Variants in TENM1 observed in about 807,000 individuals in gnomAD.
The protein encoded by TENM1 is teneurin transmembrane protein 1.
TENM1 carries 35 observed loss-of-function variants against 174.8 expected under a neutral mutation model. The ratio of observed to expected loss-of-function variants is 0.20; its 90% CI spans 0.15 to 0.27. TENM1 has a LOEUF of 0.27. TENM1 is among the 10% of genes least tolerant of loss of function. The pLI is 1.00. For missense variants in TENM1, 1,633 were observed against 2,130.1 expected (o/e 0.77, Z 4.59); for synonymous variants, 781 against 798.7 (o/e 0.98, Z 0.37).
At chrX:125,176,186 G>A in the TENM1 span, among the ~76,000 whole-genome samples, 9 of 104,938 alleles carry the variant, frequency 8.6e-5, 1 homozygote, top group Non-Finnish European at 1.4e-4. Flanking sequence ...TTTTCTAACA[G>A]CCAGCACTCA....
chrX:124,810,353 A>C (rs918246279), intron 3 of TENM1, among the ~76,000 whole-genome samples: 4 of 112,134 alleles, frequency 3.6e-5, no homozygotes, highest in Non-Finnish European at 5.6e-5. Context: ...AAATAAAGGA[A>C]TTCAGTAAAG....
intron 3 of TENM1, among the ~76,000 whole-genome samples, chrX:124,846,815 T>C (rs2056617587): frequency 9.0e-6 from 1 of 111,590 alleles, no homozygotes; most frequent in South Asian, 3.7e-4. Context: ...TTTTTAATGA[T>C]GAGTTTTATA....
chrX:124,860,038 A>C (rs2056884441), intron 3 of TENM1, among the ~76,000 whole-genome samples: 1 of 111,985 alleles, frequency 8.9e-6, no homozygotes, highest in Non-Finnish European at 1.9e-5. Flanking sequence ...TAACTGAATA[A>C]GAGAGAGAGT....
In TENM1 at chrX:124,963,773, G is replaced by T. The variant is rs1396609637; in HGVS notation, c.-20C>A. 5 of 1,175,494 alleles carry T rather than the reference G, an allele frequency of 4.3e-6. No individual in the cohort carries two copies. The highest frequency in any genetic ancestry group is 5.8e-6 in the Non-Finnish European group (5 of 866,952). On this transcript the variant is annotated 5_prime_UTR_variant, in exon 1 of 32. It adds an upstream start codon to the 5' untranslated region. Transcript: ENST00000422452. Reference sequence around the variant, plus strand: ...CTCCATCTCTGATTAAGCAAGCTCAGTTTCATGAAAAAAAGGATGAGGAAG... The same window carrying T: ...CTCCATCTCTGATTAAGCAAGCTCATTTTCATGAAAAAAAGGATGAGGAAG...
chrX:125,069,072 G>C, the TENM1 span, among the ~76,000 whole-genome samples: 6 of 111,178 alleles, frequency 5.4e-5, no homozygotes, highest in East Asian at 1.7e-3. Context: ...GGGAATGATG[G>C]GGGGGTTGAG....
chrX:124,537,173 C>A (rs1017682664), intron 15 of TENM1, among the ~76,000 whole-genome samples: 7 of 111,262 alleles, frequency 6.3e-5, no homozygotes, highest in Non-Finnish European at 9.4e-5. Context: ...CCTGACCTCT[C>A]CCCGGTTACC....
intron 3 of TENM1, among the ~76,000 whole-genome samples, chrX:124,742,816 C>T (rs957304425): frequency 1.8e-5 from 2 of 110,581 alleles, no homozygotes; most frequent in Non-Finnish European, 3.8e-5. Flanking sequence ...ATAATCTACA[C>T]GTGCAAAGAA....
chrX:124,957,927 A>G (rs959678682), intron 1 of TENM1, among the ~76,000 whole-genome samples: 1 of 111,702 alleles, frequency 9.0e-6, no homozygotes, highest in Non-Finnish European at 1.9e-5. Context: ...GCCAATTCAC[A>G]CAACTAAAAT....
intron 5 of TENM1, among the ~76,000 whole-genome samples, chrX:124,679,718 T>C (rs1181372431): frequency 8.9e-6 from 1 of 111,909 alleles, no homozygotes; most frequent in African/African-American, 3.2e-5. Flanking sequence ...ACATGCAGGA[T>C]TGAAAACTAT....
At chrX:124,705,493 G>A (rs188507281) in intron 4 of TENM1, among the ~76,000 whole-genome samples, 104 of 109,018 alleles carry the variant, frequency 9.5e-4, no homozygotes, top group Non-Finnish European at 1.1e-3. Context: ...TGTGTTCCCC[G>A]ATTTGCTGGC....
intron 27 of TENM1, 85 bp downstream of exon 30, chrX:124,404,946 T>A (rs1230895572): frequency 2.5e-6 from 2 of 812,300 alleles, no homozygotes; most frequent in African/African-American, 4.8e-5. Flanking sequence ...AGGGAGGCTC[T>A]GCAGTTAAAC....
At chrX:125,027,536 A>T in the TENM1 span, among the ~76,000 whole-genome samples, 2 of 111,977 alleles carry the variant, frequency 1.8e-5, no homozygotes. Flanking sequence ...ACAAACTGAA[A>T]GCCCAAGTCA....
At chrX:125,089,758 G>C in the TENM1 span, among the ~76,000 whole-genome samples, 1 of 111,636 alleles carries the variant, frequency 9.0e-6, no homozygotes, top group Admixed American at 9.5e-5. Flanking sequence ...TGGGGTTTCA[G>C]CCATGGAGAA....
At chrX:124,981,873 G>GA in the TENM1 span, among the ~76,000 whole-genome samples, 1 of 82,740 alleles carries the variant, frequency 1.2e-5, no homozygotes, top group Non-Finnish European at 2.2e-5. Context: ...GCAAAAACAG[G>GA]TGCAGCGCAC....
chrX:124,423,628 GAGA>G (rs2060679914), intron 23 of TENM1, among the ~76,000 whole-genome samples: 1 of 111,003 alleles, frequency 9.0e-6, no homozygotes, highest in Non-Finnish European at 1.9e-5. Flanking sequence ...TGAACAGTAG[GAGA>G]AGAATTGGGT....
intron 22 of TENM1, among the ~76,000 whole-genome samples, chrX:124,471,657 A>C (rs1367353347): frequency 1.2e-5 from 1 of 85,616 alleles, no homozygotes; most frequent in Non-Finnish European, 2.1e-5. Flanking sequence ...TATAATATAC[A>C]ATATAGAGTA....
At chrX:124,967,538 C>G (rs2058741617), upstream of TENM1, among the ~76,000 whole-genome samples, 1 of 111,499 alleles carries the variant, frequency 9.0e-6, no homozygotes, top group Non-Finnish European at 1.9e-5. Context: ...CCTATTTCAA[C>G]TGTAAAGTGG....
At chrX:125,075,069 T>C in the TENM1 span, among the ~76,000 whole-genome samples, 1 of 111,854 alleles carries the variant, frequency 8.9e-6, no homozygotes, top group Non-Finnish European at 1.9e-5. Context: ...TTAGGATATT[T>C]ACATTGGATA....
chrX:124,719,375 A>C (rs760662407), intron 4 of TENM1, among the ~76,000 whole-genome samples: 44 of 111,676 alleles, frequency 3.9e-4, no homozygotes, highest in African/African-American at 1.4e-3. Flanking sequence ...CAATAAAAAA[A>C]AATTGCTTTT....
Sources: allele counts gnomAD v4.1 joint callset (sites outside exome capture counted in the v4.1 genomes callset), GRCh38; gene constraint gnomAD v4.1.1; transcripts MANE v1.5; gene names NCBI Gene and HGNC (gene_info 2026-07-23, HGNC 2026-07-21).